Variants in HACD2 observed in about 807,000 individuals in gnomAD.
HACD2 encodes the protein 3-hydroxyacyl-CoA dehydratase 2, also known as very-long-chain (3R)-3-hydroxyacyl-CoA dehydratase 2.
A neutral mutation model predicts 31.0 loss-of-function variants in HACD2; 15 were observed. That is an observed-to-expected ratio of 0.48 (90% CI 0.32 to 0.75). HACD2 has a LOEUF of 0.75. HACD2 is among the 30% of genes least tolerant of loss of function. HACD2 has a pLI of 0.03. For synonymous variants in HACD2, 115 were observed against 122.2 expected, an observed-to-expected ratio of 0.94 and a Z score of 0.39; for missense variants, 283 against 313.0, an observed-to-expected ratio of 0.90 and a Z score of 0.72.
In HACD2 at chr3:123,502,574, G is replaced by A; in HGVS notation, c.489C>T (p.Leu163=). 6.2e-7 allele frequency: 1 copy of A among 1,611,042 alleles called. No individual in the cohort carries two copies. Among genetic ancestry groups the A allele is most frequent in the South Asian group, 1.1e-5 (1 of 90,238 alleles). ...TGCTTTTTTACCTGGCCCATTTGAT[G>A]AGGTAAGGCAGATGGTTTAATAGAC... ...TFSLLNHLPY[L]IKWARYTLFI... The change falls in exon 5 of 7, where the codon CTC becomes CTT. Residue 163 remains leucine, a synonymous_variant. Coordinates refer to ENST00000383657, the MANE Select transcript of HACD2 (RefSeq NM_198402.5).
intron 5 of HACD2, 45 bp downstream of exon 5, chr3:123,502,515 G>T: frequency 1.9e-6 from 3 of 1,593,078 alleles, no homozygotes; most frequent in Non-Finnish European, 2.6e-6. Flanking sequence ...CAAATTCAAT[G>T]ACAGATCATT....
chr3:123,580,191 A>C (rs540669047), intron 2 of HACD2, among the ~76,000 whole-genome samples: 1 of 151,984 alleles, frequency 6.6e-6, no homozygotes. Context: ...AAAAAGAAAG[A>C]AAGAAAAAAA....
intron 3 of HACD2, among the ~76,000 whole-genome samples, chr3:123,564,396 A>G (rs548131844): frequency 1.9e-4 from 29 of 152,350 alleles, no homozygotes; most frequent in African/African-American, 6.5e-4. Flanking sequence ...AAGGAAAGAA[A>G]GAAAAGCACC....
In HACD2 at chr3:123,494,844, A is replaced by G. The variant is rs1371372691; in HGVS notation, c.*44T>C. On this transcript the variant is annotated 3_prime_UTR_variant, in exon 7 of 7. Transcript: ENST00000383657. ...CTCAAAAAATCTGCAGCATTTTTTGATCATTGAAAAGTTTGTTTTGGTGGG... is the reference window on the plus strand; with the variant it reads ...CTCAAAAAATCTGCAGCATTTTTTGGTCATTGAAAAGTTTGTTTTGGTGGG... 4.8e-6 allele frequency: 6 copies of G among 1,257,858 alleles called. No individual in the cohort carries two copies. The highest frequency in any genetic ancestry group is 6.8e-6 in the Non-Finnish European group (6 of 885,662). The allele number at this position is 1,257,858 out of a possible 1,614,324, so 77.9% of individuals were successfully genotyped here.
chr3:123,528,235 T>TTCCTA, intron 4 of HACD2, 151 bp downstream of exon 4: 1 of 608,368 alleles, frequency 1.6e-6, no homozygotes, highest in South Asian at 2.1e-5. Context: ...ATTAACCCAG[T>TTCCTA]TCCTACAGTG....
chr3:123,545,325 T>C (rs1244506677), intron 3 of HACD2, among the ~76,000 whole-genome samples: 2 of 150,676 alleles, frequency 1.3e-5, no homozygotes, highest in Non-Finnish European at 3.0e-5. Context: ...CTACTAAAAA[T>C]ACAAAAATTA....
intron 3 of HACD2, among the ~76,000 whole-genome samples, chr3:123,547,782 G>A (rs1026390464): frequency 3.3e-5 from 5 of 152,084 alleles, no homozygotes; most frequent in Admixed American, 2.6e-4. Flanking sequence ...CGACAATAAC[G>A]ATACTAAAAG....
At chr3:123,573,811 A>T (rs966806160) in intron 2 of HACD2, among the ~76,000 whole-genome samples, 1 of 152,232 alleles carries the variant, frequency 6.6e-6, no homozygotes, top group Non-Finnish European at 1.5e-5. Flanking sequence ...AGGTAAAAAG[A>T]TTCCTCAATT....
chr3:123,549,892 T>C (rs1196686895), intron 3 of HACD2, among the ~76,000 whole-genome samples: 2 of 152,182 alleles, frequency 1.3e-5, no homozygotes, highest in African/African-American at 4.8e-5. Context: ...CCCAAAATTA[T>C]AACTGCAGTC....
chr3:123,541,933 G>A (rs185709519), intron 3 of HACD2, among the ~76,000 whole-genome samples: 2 of 151,824 alleles, frequency 1.3e-5, no homozygotes, highest in South Asian at 4.2e-4. Context: ...GGATCACGAG[G>A]TCAGGAGATC....
Position 123,494,916 on chromosome 3 carries a change from T to G in HACD2, c.737A>C (p.His246Pro), listed in dbSNP as rs1322721310. 2 of 1,560,328 alleles carry G rather than the reference T, an allele frequency of 1.3e-6. No individual in the cohort carries two copies. The highest frequency in any genetic ancestry group is 1.9e-5 in the Admixed American group (1 of 52,172). ...TTCAAATTTCTTGTGTTCTTCAGTA[T>G]GAGAAAGGATCTTTCTTCTCTGGTG... ...MIHQRRKILS[H>P]TEEHKKFE Residue 246 changes from histidine to proline, a missense_variant, in exon 7 of 7, where the codon CAT becomes CCT. His to Pro is a moderately conservative substitution (Grantham distance 77). Transcript: ENST00000383657.
At chr3:123,565,993 G>C (rs1263826713) in intron 3 of HACD2, among the ~76,000 whole-genome samples, 3 of 152,152 alleles carry the variant, frequency 2.0e-5, no homozygotes, top group Non-Finnish European at 4.4e-5. Flanking sequence ...TGTATGAGCT[G>C]GGCCAGATCA....
At chr3:123,534,655 T>G (rs925537328) in intron 3 of HACD2, among the ~76,000 whole-genome samples, 2 of 152,054 alleles carry the variant, frequency 1.3e-5, no homozygotes, top group African/African-American at 4.8e-5. Context: ...GGCAAGTCCT[T>G]CAGGAGGTAT....
chr3:123,501,442 C>T (rs2055901107), intron 5 of HACD2, among the ~76,000 whole-genome samples: 1 of 152,236 alleles, frequency 6.6e-6, no homozygotes, highest in Non-Finnish European at 1.5e-5. Flanking sequence ...TCAGCTCAGA[C>T]TTTAAACAGC....
intron 2 of HACD2, among the ~76,000 whole-genome samples, chr3:123,574,400 ATCATT>A (rs1480455337): frequency 2.6e-5 from 4 of 152,224 alleles, no homozygotes; most frequent in Non-Finnish European, 4.4e-5. Flanking sequence ...ACCAGTAACC[ATCATT>A]TCATCTTTTC....
At chr3:123,562,613 G>A (rs2056745886) in intron 3 of HACD2, among the ~76,000 whole-genome samples, 1 of 152,144 alleles carries the variant, frequency 6.6e-6, no homozygotes, top group South Asian at 2.1e-4. Context: ...ATTGTGCTGA[G>A]TGTTCTTCAT....
At chr3:123,537,954 AT>A (rs1323994553) in intron 3 of HACD2, among the ~76,000 whole-genome samples, 2 of 152,238 alleles carry the variant, frequency 1.3e-5, no homozygotes, top group African/African-American at 2.4e-5. Context: ...TGAACCACTT[AT>A]AATCTTAAAC....
chr3:123,575,701 A>G (rs1265661188), intron 2 of HACD2, among the ~76,000 whole-genome samples: 1 of 152,232 alleles, frequency 6.6e-6, no homozygotes, highest in African/African-American at 2.4e-5. Flanking sequence ...AGGAAACTGC[A>G]TGGTCTGTTA....
In HACD2 at chr3:123,528,426, C is replaced by G; in HGVS notation, c.341G>C (p.Arg114Thr). Reference sequence around the variant, plus strand: ...TGTTACTGCCCATATTAGAAAAACTCTTGACATCACCTGGAAAGAAGTCAG... The same window carrying G: ...TGTTACTGCCCATATTAGAAAAACTGTTGACATCACCTGGAAAGAAGTCAG... ...VVLTSFQVMSRVFLIWAVTHS... is the reference protein window; with the variant it reads ...VVLTSFQVMSTVFLIWAVTHS... Residue 114 changes from arginine (R) to threonine (T), a missense_variant, in exon 4 of 7, where the codon AGA becomes ACA. Transcript: ENST00000383657. 1 of 1,613,274 alleles carries G rather than the reference C, an allele frequency of 6.2e-7. No individual in the cohort carries two copies. Among genetic ancestry groups the G allele is most frequent in the Non-Finnish European group, 8.5e-7 (1 of 1,179,340 alleles).
Sources: gnomAD v4.1 joint callset for allele counts (sites outside exome capture counted in the v4.1 genomes callset) on GRCh38, gnomAD v4.1.1 for gene constraint, MANE v1.5 for transcripts, NCBI Gene and HGNC (gene_info 2026-07-23, HGNC 2026-07-21) for gene names.